ABCD2: variants seen among roughly 807,000 people sequenced by gnomAD.
The protein encoded by ABCD2 is ATP-binding cassette sub-family D member 2.
In ABCD2, 36 loss-of-function variants were observed where a neutral mutation model predicts 70.9. The observed-to-expected ratio is 0.51, with a 90% CI of 0.39 to 0.67. The LOEUF is 0.67. Among genes scored for constraint, ABCD2 ranks in the 30% least tolerant of loss-of-function variants. The pLI is 0.00. For synonymous variants in ABCD2, 304 were observed against 306.9 expected, an observed-to-expected ratio of 0.99 and a Z score of 0.10; for missense variants, 729 against 890.2, an observed-to-expected ratio of 0.82 and a Z score of 2.30.
intron 9 of ABCD2, among the ~76,000 whole-genome samples, chr12:39,568,906 T>A (rs1218202711): frequency 6.6e-6 from 1 of 152,206 alleles, no homozygotes; most frequent in Admixed American, 6.5e-5. Flanking sequence ...AGACCCTGTT[T>A]GTCTGGGTAT....
chr12:39,607,513 A>AAAG, intron 3 of ABCD2, 86 bp downstream of exon 3: 2 of 1,135,922 alleles, frequency 1.8e-6, no homozygotes, highest in Non-Finnish European at 2.6e-6. Flanking sequence ...ATGTTTCCAA[A>AAAG]ATACTAAGTA....
At chr12:39,547,331 T>C (rs1429535797), downstream of ABCD2, among the ~76,000 whole-genome samples, 1 of 152,074 alleles carries the variant, frequency 6.6e-6, no homozygotes, top group Non-Finnish European at 1.5e-5. Context: ...TCTAGGTATA[T>C]ATCCAAAAGA....
downstream of ABCD2, among the ~76,000 whole-genome samples, chr12:39,549,845 T>C (rs1941063724): frequency 6.6e-6 from 1 of 151,910 alleles, no homozygotes; most frequent in South Asian, 2.1e-4. Flanking sequence ...ATTAATTACT[T>C]AACCTTTCTC....
chr12:39,602,274 T>G (rs1044363905), intron 5 of ABCD2, among the ~76,000 whole-genome samples: 6 of 151,886 alleles, frequency 4.0e-5, no homozygotes, highest in African/African-American at 1.5e-4. Flanking sequence ...TGCCTCAGAC[T>G]CCCGAGTAAC....
intron 9 of ABCD2, among the ~76,000 whole-genome samples, chr12:39,557,043 G>T (rs1591964020): frequency 2.0e-5 from 3 of 152,148 alleles, no homozygotes; most frequent in Admixed American, 6.5e-5. Flanking sequence ...GTAACAGGCA[G>T]AGATTGAAAC....
At chr12:39,596,452 G>T (rs1941816342) in intron 6 of ABCD2, among the ~76,000 whole-genome samples, 1 of 151,976 alleles carries the variant, frequency 6.6e-6, no homozygotes, top group Non-Finnish European at 1.5e-5. Context: ...TCTCTGACAT[G>T]AAACACAATA....
At position 39,553,140 on chromosome 12, in the gene ABCD2, A is replaced by G. The variant is rs1234842118; in HGVS notation, c.*772T>C. On this transcript the variant is annotated 3_prime_UTR_variant, in exon 10 of 10. Coordinates refer to ENST00000308666, the MANE Select transcript of ABCD2 (RefSeq NM_005164.4). ...AAAAAAACAAGCTGTGTATTTCTGA[A>G]CAGAAGTTGCAATAGGTAATTCTGC... is the stretch of plus-strand genomic sequence containing the variant. The G allele has an allele frequency of 6.6e-6, 1 of 151,982 alleles. No individual in the cohort carries two copies. The highest frequency in any genetic ancestry group is 2.4e-5 in the African/African-American group (1 of 41,424). The allele number at this position is 151,982 out of a possible 1,614,324, so 9.4% of individuals were successfully genotyped here.
chr12:39,572,447 A>T (rs1389508862), intron 9 of ABCD2, among the ~76,000 whole-genome samples: 1 of 152,182 alleles, frequency 6.6e-6, no homozygotes, highest in Non-Finnish European at 1.5e-5. Context: ...AAGCATATTC[A>T]TTGGCATGGA....
intron 6 of ABCD2, among the ~76,000 whole-genome samples, chr12:39,590,550 T>C (rs909254661): frequency 2.6e-5 from 4 of 152,066 alleles, no homozygotes; most frequent in Admixed American, 6.5e-5. Context: ...ATAATAATTA[T>C]AATAATTGTT....
At chr12:39,556,240 C>T (rs955157811) in intron 9 of ABCD2, among the ~76,000 whole-genome samples, 5 of 152,070 alleles carry the variant, frequency 3.3e-5, no homozygotes, top group Non-Finnish European at 7.4e-5. Flanking sequence ...ACCTGCCTGA[C>T]AAAAAAATTA....
At chr12:39,616,681 T>G (rs556272824) in intron 2 of ABCD2, among the ~76,000 whole-genome samples, 1 of 152,196 alleles carries the variant, frequency 6.6e-6, no homozygotes, top group Admixed American at 6.5e-5. Context: ...TATTCTGAGG[T>G]TAAGTGTAAA....
Position 39,600,554 on chromosome 12 carries a change from T to C in ABCD2, c.1646+17A>G, listed in dbSNP as rs754694864. On this transcript the variant is annotated intron_variant, in intron 6 of 9. Transcript: ENST00000308666. Reference sequence around the variant, plus strand: ...CAAAAGGAAATTGTTTCTTGTAATATAAAAAGATATACCTACCTTTGTGGA... The same window carrying C: ...CAAAAGGAAATTGTTTCTTGTAATACAAAAAGATATACCTACCTTTGTGGA... 21 of 1,535,164 alleles carry C rather than the reference T, an allele frequency of 1.4e-5. No homozygotes were observed. The South Asian group carries it at 2.6e-4, about 19-fold the overall frequency.
At chr12:39,586,431 G>A (rs1941667880) in intron 6 of ABCD2, 134 bp from the exon 7 acceptor site, 5 of 815,140 alleles carry the variant, frequency 6.1e-6, no homozygotes, top group African/African-American at 1.7e-5. Context: ...GTTACCTGGC[G>A]ATGAGTACTT....
At chr12:39,616,604 T>C (rs1261326722) in intron 2 of ABCD2, among the ~76,000 whole-genome samples, 1 of 152,180 alleles carries the variant, frequency 6.6e-6, no homozygotes, top group Non-Finnish European at 1.5e-5. Flanking sequence ...ATGTATGGGA[T>C]GTATAGAACT....
At position 39,618,854 on chromosome 12, in the gene ABCD2, A is replaced by G. The variant is rs1467514077; in HGVS notation, c.762T>C (p.Ile254=). Residue 254 remains isoleucine (I), a synonymous_variant, in exon 1 of 10, where the codon ATT becomes ATC. Coordinates refer to ENST00000308666, the MANE Select transcript of ABCD2 (RefSeq NM_005164.4). ...QTATSRGASP[I]GPTLLAGLVV... The stretch of plus-strand genomic sequence containing the variant: ...CAAGTCCTGCTAGTAGGGTGGGCCC[A>G]ATTGGGCTTGCTCCTCTGGATGTAG... 6.2e-7 allele frequency: 1 copy of G among 1,614,222 alleles called. No homozygotes were observed. Among genetic ancestry groups the G allele is most frequent in the Admixed American group, 1.7e-5 (1 of 60,028 alleles).
At chr12:39,544,341 A>G in the ABCD2 span, among the ~76,000 whole-genome samples, 1 of 152,078 alleles carries the variant, frequency 6.6e-6, no homozygotes, top group African/African-American at 2.4e-5. Context: ...CAGTTTAGGG[A>G]GGGTAGGAAT....
At chr12:39,587,958 G>C (rs1941688758) in intron 6 of ABCD2, among the ~76,000 whole-genome samples, 1 of 152,104 alleles carries the variant, frequency 6.6e-6, no homozygotes, top group Non-Finnish European at 1.5e-5. Context: ...AACTTTACTT[G>C]CAAGTTTATT....
chr12:39,589,754 T>A (rs534719551), intron 6 of ABCD2, among the ~76,000 whole-genome samples: 1 of 152,222 alleles, frequency 6.6e-6, no homozygotes, highest in African/African-American at 2.4e-5. Context: ...AAAACTGATG[T>A]GAATGAGAAT....
chr12:39,562,921 A>G (rs1941281797), intron 9 of ABCD2, among the ~76,000 whole-genome samples: 1 of 152,212 alleles, frequency 6.6e-6, no homozygotes, highest in East Asian at 1.9e-4. Flanking sequence ...TCAACAAAAT[A>G]CCAGCAAACT....
Sources: gnomAD v4.1 joint callset for allele counts (sites outside exome capture counted in the v4.1 genomes callset) on GRCh38, gnomAD v4.1.1 for gene constraint, MANE v1.5 for transcripts, NCBI Gene and HGNC (gene_info 2026-07-23, HGNC 2026-07-21) for gene names.